PDS5A: variants seen among roughly 807,000 people sequenced by gnomAD.
PDS5A encodes sister chromatid cohesion protein PDS5 homolog A.
Under a neutral mutation model 167.1 loss-of-function variants are expected in PDS5A, and 42 were observed. The ratio of observed to expected loss-of-function variants is 0.25; its 90% CI spans 0.20 to 0.33. The LOEUF (loss-of-function observed/expected upper bound fraction) is 0.33, where lower values mean the gene tolerates loss of function less well. Among genes scored for constraint, PDS5A ranks in the 10% least tolerant of loss-of-function variants. The pLI is 1.00. For missense variants in PDS5A, 1,033 were observed against 1,605.9 expected (o/e 0.64, Z 6.10); for synonymous variants, 553 against 554.6 (o/e 1.00, Z 0.04).
At chr4:39,934,484 C>G (rs776569839) in intron 2 of PDS5A, among the ~76,000 whole-genome samples, 1 of 152,150 alleles carries the variant, frequency 6.6e-6, no homozygotes, top group Non-Finnish European at 1.5e-5. Context: ...CTTCTTACCT[C>G]ATCTAATTTA....
chr4:39,923,469 GCAAAAC>G (rs908301437), intron 5 of PDS5A, among the ~76,000 whole-genome samples: 3 of 151,502 alleles, frequency 2.0e-5, no homozygotes, highest in African/African-American at 7.3e-5. Flanking sequence ...GGGCAACATG[GCAAAAC>G]CCTGTCTCTA....
intron 5 of PDS5A, among the ~76,000 whole-genome samples, chr4:39,924,195 A>C (rs1213541015): frequency 6.6e-6 from 1 of 152,126 alleles, no homozygotes; most frequent in South Asian, 2.1e-4. Flanking sequence ...ACCTCAGCTT[A>C]CGGCCAGATA....
chr4:39,945,458 C>CAAAAAAAAAAAAAAAA (rs1210256217), intron 2 of PDS5A, among the ~76,000 whole-genome samples: 48 of 66,806 alleles, frequency 7.2e-4, no homozygotes, highest in East Asian at 3.9e-3. Flanking sequence ...GAGACTGCCT[C>CAAAAAAAAAAAAAAAA]AAAAAAAAAA....
chr4:39,929,554 T>TATATCC (rs1359707022), intron 2 of PDS5A, among the ~76,000 whole-genome samples: 9 of 128,460 alleles, frequency 7.0e-5, no homozygotes, highest in African/African-American at 2.7e-4. Flanking sequence ...TATATATATA[T>TATATCC]ATCCCATTAA....
chr4:39,901,225 T>C (rs968883612), intron 13 of PDS5A, among the ~76,000 whole-genome samples: 10 of 151,602 alleles, frequency 6.6e-5, no homozygotes, highest in African/African-American at 9.7e-5. Context: ...ACTATCGTAA[T>C]AGAATTTCTG....
rs978064471 is a variant in PDS5A at position 39,824,289 on chromosome 4, T to A, written c.*1196A>T. ...ACATGAAAAAATTCACAAGAAAGCA[T>A]ATGATAAAAAGATTAAAAAGACTGC... On this transcript the variant is annotated 3_prime_UTR_variant, in exon 33 of 33. Transcript: ENST00000303538. 1 of 152,138 alleles carries A rather than the reference T, an allele frequency of 6.6e-6. No individual in the cohort carries two copies. Among genetic ancestry groups the A allele is most frequent in the African/African-American group, 2.4e-5 (1 of 41,432 alleles). 9.4% of individuals were successfully genotyped at this position (152,138 alleles called of 1,614,324 possible). A position where few individuals can be genotyped will look rare whatever the true frequency, so the allele number is the denominator to read the frequency against.
In PDS5A at chr4:39,825,495, GT is replaced by G; in HGVS notation, c.4011-8del. 2 of 1,573,898 alleles carry G rather than the reference GT, an allele frequency of 1.3e-6. No individual in the cohort carries two copies. Among genetic ancestry groups the G allele is most frequent in the Non-Finnish European group, 1.7e-6 (2 of 1,155,574 alleles). On this transcript the variant is annotated splice_polypyrimidine_tract_variant and splice_region_variant and intron_variant, in intron 32 of 32. Transcript: ENST00000303538. ...TTTGCAAATGCATTTTTACCTTAGG[GT>G]TAAGAATAGAACGCAAAGTTAGAAA...
chr4:39,902,175 A>G (rs1017142742), intron 13 of PDS5A, among the ~76,000 whole-genome samples, 172 bp downstream of exon 13: 2 of 152,232 alleles, frequency 1.3e-5, no homozygotes, highest in African/African-American at 2.4e-5. Flanking sequence ...GCCTACACAT[A>G]TAAGAATAAC....
At chr4:39,902,808 G>A (rs1161434275) in intron 12 of PDS5A, among the ~76,000 whole-genome samples, 1 of 152,142 alleles carries the variant, frequency 6.6e-6, no homozygotes, top group Non-Finnish European at 1.5e-5. Flanking sequence ...CGACGGGCAT[G>A]AGGCACCACA....
chr4:39,910,211 A>C (rs1298187420), intron 10 of PDS5A, 33 bp downstream of exon 10: 1 of 1,066,752 alleles, frequency 9.4e-7, no homozygotes, highest in Middle Eastern at 2.0e-4. Flanking sequence ...TTGTATGGTT[A>C]TGCTAATATG....
At chr4:39,910,394 A>G in intron 9 of PDS5A, 56 bp from the exon 10 acceptor site, 1 of 840,522 alleles carries the variant, frequency 1.2e-6, no homozygotes, top group Non-Finnish European at 2.0e-6. Context: ...TCACTCTCAA[A>G]TCAGGTATAT....
chr4:39,846,344 C>G (rs1717596406), intron 28 of PDS5A: 1 of 152,166 alleles, frequency 6.6e-6, no homozygotes, highest in Admixed American at 6.5e-5. Flanking sequence ...TACAAAAATA[C>G]AAAATTAGCT....
chr4:39,945,186 T>A (rs1424881121), intron 2 of PDS5A, among the ~76,000 whole-genome samples: 4 of 151,704 alleles, frequency 2.6e-5, no homozygotes, highest in African/African-American at 9.7e-5. Context: ...GGCGGCCGGG[T>A]GCAGTGGCTC....
chr4:39,864,071 A>G (rs1309395640), intron 23 of PDS5A, among the ~76,000 whole-genome samples: 4 of 152,092 alleles, frequency 2.6e-5, no homozygotes, highest in African/African-American at 9.7e-5. Context: ...TGGAGGTTGC[A>G]GTGAGCCAAG....
At chr4:39,952,459 G>A (rs558970711) in intron 2 of PDS5A, among the ~76,000 whole-genome samples, 5 of 152,036 alleles carry the variant, frequency 3.3e-5, no homozygotes, top group African/African-American at 2.4e-5. Context: ...TTAAAATTTT[G>A]TAAGTGTTAA....
intron 2 of PDS5A, among the ~76,000 whole-genome samples, chr4:39,957,015 C>T (rs550658826): frequency 2.6e-5 from 4 of 152,106 alleles, no homozygotes; most frequent in African/African-American, 9.6e-5. Flanking sequence ...ACAAAGTATT[C>T]TCTTTATCTA....
chr4:39,861,412 C>T (rs1240068414), intron 26 of PDS5A, among the ~76,000 whole-genome samples: 8 of 152,030 alleles, frequency 5.3e-5, no homozygotes, highest in Non-Finnish European at 8.8e-5. Flanking sequence ...GAGCCAAGAT[C>T]GTGCCACTGC....
chr4:39,955,323 C>T (rs936962021), intron 2 of PDS5A, among the ~76,000 whole-genome samples: 17 of 151,912 alleles, frequency 1.1e-4, no homozygotes, highest in Non-Finnish European at 2.2e-4. Context: ...ACTCTAGGGC[C>T]GGGCGTGGTG....
At chr4:39,856,751 G>A (rs1258873472) in intron 26 of PDS5A, among the ~76,000 whole-genome samples, 1 of 152,112 alleles carries the variant, frequency 6.6e-6, no homozygotes. Flanking sequence ...GGGAGGCAGA[G>A]GTTGCAGTGA....
Sources: gnomAD v4.1 joint callset for allele counts (sites outside exome capture counted in the v4.1 genomes callset) on GRCh38, gnomAD v4.1.1 for gene constraint, MANE v1.5 for transcripts, NCBI Gene and HGNC (gene_info 2026-07-23, HGNC 2026-07-21) for gene names.